The following GRM7 variants were observed in gnomAD, a reference collection of about 807,000 sequenced individuals.
GRM7 encodes the protein glutamate metabotropic receptor 7.
Under a neutral mutation model 84.5 loss-of-function variants are expected in GRM7, and 35 were observed. That is an observed-to-expected ratio of 0.41 (90% CI 0.32 to 0.55). GRM7 has a LOEUF of 0.55. Ranked by LOEUF, GRM7 falls within the 20% of genes least tolerant of loss-of-function variation. The probability of loss-of-function intolerance (pLI) is 0.19; values close to 1 mark genes in which losing one functional copy is unlikely to be tolerated. For missense variants in GRM7, 1,003 were observed against 1,194.6 expected (o/e 0.84, Z 2.36); for synonymous variants, 487 against 455.1 (o/e 1.07, Z -0.89).
chr3:7,149,703 A>G (rs1479589109), intron 2 of GRM7, among the ~76,000 whole-genome samples: 1 of 152,190 alleles, frequency 6.6e-6, no homozygotes, highest in East Asian at 1.9e-4. Context: ...CAATTTTGAC[A>G]CATGCTTTAA....
chr3:7,510,646 G>A lies in GRM7; in HGVS notation c.1515+48924G>A, dbSNP rs186472869. Among the ~76,000 whole-genome samples, 7 of 152,276 alleles carry A rather than the reference G, an allele frequency of 4.6e-5. No homozygotes were observed. In the East Asian group the frequency reaches 7.7e-4, roughly 17 times the overall value. On this transcript the variant is annotated intron_variant, in intron 7 of 9. Coordinates refer to ENST00000357716, the MANE Select transcript of GRM7 (RefSeq NM_000844.4). ...TTATTGGAAGGAGATGGGTCAGCTCGAGGATATAGCTCTGAGGTCAGATCA... is the reference window on the plus strand; with the variant it reads ...TTATTGGAAGGAGATGGGTCAGCTCAAGGATATAGCTCTGAGGTCAGATCA...
rs150479691 is a variant in GRM7 at position 7,252,671 on chromosome 3, C to CTTTTCTTTTCTTTTCTTTTCTTT, written c.737-45999_737-45998insCTTTTCTTTTTTTCTTTTCTTTT. On this transcript the variant is annotated intron_variant, in intron 2 of 9. Transcript: ENST00000357716. ...TAGCTTTTCTCTTTTCTATTTTTTT[C>CTTTTCTTTTCTTTTCTTTTCTTT]TTTTCTTTTCTTTTTTTCTTTTCTT... Among the ~76,000 whole-genome samples, 341 of 134,530 alleles carry CTTTTCTTTTCTTTTCTTTTCTTT rather than the reference C, an allele frequency of 2.5e-3. 7 individuals are homozygous for CTTTTCTTTTCTTTTCTTTTCTTT. The highest frequency in any genetic ancestry group is 0.012 in the South Asian group (48 of 3,998). The allele number at this position is 134,530 out of a possible 152,430, so 88.3% of individuals were successfully genotyped here.
intron 2 of GRM7, among the ~76,000 whole-genome samples, chr3:7,237,834 G>A (rs1321353329): frequency 6.6e-6 from 1 of 152,124 alleles, no homozygotes; most frequent in Non-Finnish European, 1.5e-5. Context: ...GCAGCGTAAC[G>A]ATTGGTCCAT....
At chr3:7,167,424 G>A (rs1388367744) in intron 2 of GRM7, among the ~76,000 whole-genome samples, 1 of 152,176 alleles carries the variant, frequency 6.6e-6, no homozygotes, top group Non-Finnish European at 1.5e-5. Flanking sequence ...CCATTTTATA[G>A]TTAGGCTAGA....
chr3:6,902,670 C>T (rs1052774427), intron 1 of GRM7, among the ~76,000 whole-genome samples: 2 of 151,998 alleles, frequency 1.3e-5, no homozygotes, highest in African/African-American at 2.4e-5. Context: ...TTTCTGAAAG[C>T]AAAACATAAT....
chr3:7,091,764 G>T (rs1315606316), intron 1 of GRM7, among the ~76,000 whole-genome samples: 1 of 149,662 alleles, frequency 6.7e-6, no homozygotes, highest in East Asian at 2.0e-4. Context: ...AGTATGGTGC[G>T]GACTGAGTTT....
chr3:7,394,451 A>G (rs555250417), intron 4 of GRM7, among the ~76,000 whole-genome samples: 2 of 152,170 alleles, frequency 1.3e-5, no homozygotes, highest in South Asian at 4.1e-4. Context: ...ACTGAAAGAG[A>G]AACTTCATGT....
intron 1 of GRM7, among the ~76,000 whole-genome samples, chr3:6,952,069 A>G (rs1692798298): frequency 6.6e-6 from 1 of 151,224 alleles, no homozygotes. Context: ...TCATCTTGCT[A>G]TTTGTTTTCT....
chr3:7,646,111 A>G (rs747404107), intron 8 of GRM7, among the ~76,000 whole-genome samples: 3 of 152,208 alleles, frequency 2.0e-5, no homozygotes, highest in Non-Finnish European at 4.4e-5. Flanking sequence ...TGCAGGGCCC[A>G]TGCACCATGG....
intron 1 of GRM7, among the ~76,000 whole-genome samples, chr3:7,066,672 T>G (rs906858964): frequency 6.6e-6 from 1 of 151,872 alleles, no homozygotes; most frequent in Admixed American, 6.6e-5. Context: ...AATTCAGCTA[T>G]GAAGCCAGCA....
intron 4 of GRM7, among the ~76,000 whole-genome samples, chr3:7,387,892 T>G (rs1694846370): frequency 6.6e-6 from 1 of 152,318 alleles, no homozygotes. Context: ...TTAGGAGATT[T>G]TAACAATATT....
chr3:7,307,177 T>C (rs1700223409), intron 4 of GRM7, among the ~76,000 whole-genome samples: 1 of 152,184 alleles, frequency 6.6e-6, no homozygotes, highest in Admixed American at 6.5e-5. Flanking sequence ...TCTCCTTTTC[T>C]TGCCTTTCTA....
chr3:7,229,553 A>G (rs1230804664), intron 2 of GRM7, among the ~76,000 whole-genome samples: 1 of 151,084 alleles, frequency 6.6e-6, no homozygotes, highest in Non-Finnish European at 1.5e-5. Context: ...ATTTGTTTAG[A>G]AGGCTCAACA....
intron 1 of GRM7, among the ~76,000 whole-genome samples, chr3:6,935,689 T>TATC (rs1368986474): frequency 6.9e-6 from 1 of 145,076 alleles, no homozygotes; most frequent in Non-Finnish European, 1.5e-5. Flanking sequence ...TTATTATTAT[T>TATC]ATTATTATTA....
chr3:7,066,131 G>T (rs773254099), intron 1 of GRM7, among the ~76,000 whole-genome samples: 2 of 151,326 alleles, frequency 1.3e-5, no homozygotes, highest in Admixed American at 1.3e-4. Context: ...AGAGAAATAA[G>T]AACAAACCAA....
At chr3:7,072,960 T>C (rs572258088) in intron 1 of GRM7, among the ~76,000 whole-genome samples, 138 of 152,290 alleles carry the variant, frequency 9.1e-4, no homozygotes, top group African/African-American at 3.2e-3. Flanking sequence ...GTCTTATTGC[T>C]TTTGTGGACA....
intron 5 of GRM7, among the ~76,000 whole-genome samples, chr3:7,420,730 A>G (rs550981377): frequency 6.6e-6 from 1 of 152,278 alleles, no homozygotes; most frequent in African/African-American, 2.4e-5. Context: ...CAAATTATTA[A>G]GAATCTTTGC....
chr3:7,114,917 C>T (rs1312524368), intron 1 of GRM7, among the ~76,000 whole-genome samples: 2 of 152,110 alleles, frequency 1.3e-5, no homozygotes, highest in African/African-American at 4.8e-5. Flanking sequence ...CTGGTGGCAG[C>T]ATGGCATGCT....
chr3:7,592,459 T>C (rs913663607), intron 8 of GRM7, among the ~76,000 whole-genome samples: 1 of 152,092 alleles, frequency 6.6e-6, no homozygotes, highest in Non-Finnish European at 1.5e-5. Flanking sequence ...TCAAGGCTAT[T>C]TGGGAAATGA....
Sources: gnomAD v4.1 joint callset for allele counts (sites outside exome capture counted in the v4.1 genomes callset) on GRCh38, gnomAD v4.1.1 for gene constraint, MANE v1.5 for transcripts, NCBI Gene and HGNC (gene_info 2026-07-23, HGNC 2026-07-21) for gene names.